TATDN2: variants seen among roughly 807,000 people sequenced by gnomAD.
TATDN2 encodes the protein 3'-5' RNA nuclease TATDN2.
TATDN2 carries 44 observed loss-of-function variants against 60.3 expected under a neutral mutation model. The observed-to-expected ratio is 0.73, with a 90% CI of 0.57 to 0.94. The LOEUF (loss-of-function observed/expected upper bound fraction) is 0.94, where lower values mean the gene tolerates loss of function less well. Ranked by LOEUF, TATDN2 falls within the 40% of genes least tolerant of loss-of-function variation. The probability of loss-of-function intolerance (pLI) is 0.00; values close to 1 mark genes in which losing one functional copy is unlikely to be tolerated. For synonymous variants in TATDN2, 399 were observed against 355.8 expected, an observed-to-expected ratio of 1.12 and a Z score of -1.37; for missense variants, 997 against 948.0, an observed-to-expected ratio of 1.05 and a Z score of -0.68.
chr3:10,266,592 T>C (rs1312613647), intron 3 of TATDN2, among the ~76,000 whole-genome samples: 1 of 152,230 alleles, frequency 6.6e-6, no homozygotes, highest in Non-Finnish European at 1.5e-5. Context: ...AAAAAGCTAA[T>C]ACAGGGTCAG....
intron 2 of TATDN2, among the ~76,000 whole-genome samples, chr3:10,257,611 AC>A (rs1401953061): frequency 4.7e-5 from 7 of 147,700 alleles, no homozygotes; most frequent in Non-Finnish European, 1.0e-4. Flanking sequence ...AAAAAAAAAA[AC>A]AAAAAAAAAA....
intron 2 of TATDN2, among the ~76,000 whole-genome samples, chr3:10,252,823 G>A (rs1352083017): frequency 2.0e-5 from 3 of 150,146 alleles, no homozygotes; most frequent in African/African-American, 7.4e-5. Context: ...CCAAGTAGGT[G>A]GAACTCAGGC....
intron 2 of TATDN2, among the ~76,000 whole-genome samples, chr3:10,259,641 T>C (rs559262607): frequency 6.6e-6 from 1 of 152,196 alleles, no homozygotes; most frequent in Non-Finnish European, 1.5e-5. Flanking sequence ...GGGAAGTGTT[T>C]GCAGAGAACT....
rs748894179 is a variant in TATDN2, at chr3:10,270,218, C to T, written c.1036C>T (p.Gln346Ter). The T allele has an allele frequency of 1.2e-6, 2 of 1,614,070 alleles. No homozygotes were observed. The highest frequency in any genetic ancestry group is 1.7e-6 in the Non-Finnish European group (2 of 1,180,038). The change falls in exon 4 of 8, where the codon CAG (glutamine) becomes TAG (stop). Residue 346 changes from glutamine (Q) to a stop codon, truncating the protein, a stop_gained. Coordinates refer to ENST00000448281, the MANE Select transcript of TATDN2 (RefSeq NM_014760.4). LOFTEE classifies it high-confidence loss of function. ...GGAGATCTCCACAGTCAGATTCTCT[C>T]AGGAGGAACCTGTCTCCCTGAAACC... ...VEEISTVRFS[Q>*]EEPVSLKPSA...
intron 3 of TATDN2, among the ~76,000 whole-genome samples, chr3:10,263,317 T>G (rs775891691): frequency 4.6e-5 from 7 of 152,152 alleles, no homozygotes; most frequent in Non-Finnish European, 1.0e-4. Context: ...CCTTTCAATC[T>G]AGAAACCCTT....
rs539560970 is a variant in TATDN2 at position 10,278,201 on chromosome 3, G to T, written c.1962-78G>T. The T allele has an allele frequency of 6.6e-5, 96 of 1,463,866 alleles. 1 individual carries two copies. The highest frequency in any genetic ancestry group is 5.1e-4 in the South Asian group (40 of 78,812). The allele number at this position is 1,463,866 out of a possible 1,614,324, so 90.7% of individuals were successfully genotyped here. A position where few individuals can be genotyped will look rare whatever the true frequency, so the allele number is the denominator to read the frequency against. On this transcript the variant is annotated intron_variant, in intron 5 of 7. Transcript: ENST00000448281. The surrounding 1 kb of genome is among the most constrained non-coding windows in gnomAD (Gnocchi z 4.7). ...TCCATTTCTGGGAATCATTGAAAAG[G>T]GGTGATGGGTGTGGGGGGAGCTGGG...
At chr3:10,252,890 T>C (rs1291970993) in intron 2 of TATDN2, among the ~76,000 whole-genome samples, 4 of 143,974 alleles carry the variant, frequency 2.8e-5, no homozygotes, top group Admixed American at 1.4e-4. Flanking sequence ...AGAATCTTGC[T>C]CTGTCACCCA....
At chr3:10,251,149 T>C (rs1436781915) in intron 2 of TATDN2, among the ~76,000 whole-genome samples, 1 of 152,092 alleles carries the variant, frequency 6.6e-6, no homozygotes, top group Non-Finnish European at 1.5e-5. Flanking sequence ...TTGAGGGTTA[T>C]TGTGGGCCAC....
chr3:10,273,058 G>A (rs1698589414), intron 4 of TATDN2, among the ~76,000 whole-genome samples: 1 of 152,036 alleles, frequency 6.6e-6, no homozygotes, highest in South Asian at 2.1e-4. Flanking sequence ...TCTCAGGTCT[G>A]CACTTAAAGG....
Position 10,278,984 on chromosome 3 carries a change from G to T in TATDN2, c.2245G>T (p.Ala749Ser), listed in dbSNP as rs866437105. The T allele has an allele frequency of 1.2e-6, 2 of 1,614,206 alleles. No individual in the cohort carries two copies. The highest frequency in any genetic ancestry group is 1.6e-4 in the Middle Eastern group (1 of 6,062). Reference sequence around the variant, plus strand: ...AGATCAGCCACTCTCCCTCACCTTGGCTGCCTTGCGTGAGAACACCAGTCG... The same window carrying T: ...AGATCAGCCACTCTCCCTCACCTTGTCTGCCTTGCGTGAGAACACCAGTCG... Reference protein sequence around the residue: ...VKDQPLSLTLAALRENTSRLY... With the variant: ...VKDQPLSLTLSALRENTSRLY... The change falls in exon 7 of 8, where the codon GCT becomes TCT. Residue 749 changes from alanine to serine, a missense_variant. Ala to Ser is a moderately conservative substitution (Grantham distance 99). Coordinates refer to ENST00000448281, the MANE Select transcript of TATDN2 (RefSeq NM_014760.4). This position sits in a 1 kb window ranked among gnomAD's most constrained non-coding sequence, Gnocchi z 4.7.
chr3:10,267,160 G>A (rs750631622), intron 3 of TATDN2, among the ~76,000 whole-genome samples: 23 of 151,798 alleles, frequency 1.5e-4, no homozygotes, highest in East Asian at 5.8e-4. Flanking sequence ...AGCTCAAGTG[G>A]TCTGCCTGCT....
intron 4 of TATDN2, among the ~76,000 whole-genome samples, chr3:10,275,900 C>T (rs1344270798): frequency 6.6e-6 from 1 of 152,212 alleles, no homozygotes; most frequent in South Asian, 2.1e-4. Flanking sequence ...TCCCCAACAG[C>T]TCTGCATAGG....
In TATDN2 at chr3:10,270,837, T is replaced by C; in HGVS notation, c.1655T>C (p.Leu552Ser). The C allele has an allele frequency of 6.2e-7, 1 of 1,614,186 alleles. No homozygotes were observed. The highest frequency in any genetic ancestry group is 8.5e-7 in the Non-Finnish European group (1 of 1,180,032). ...ACAGATTGCCTATGGGAGGAGCTGT[T>C]GAAAGAGGATCTGGTCTGGGGGGCC... is the stretch of plus-strand genomic sequence containing the variant. ...TLTDCLWEEL[L>S]KEDLVWGAFG... The change falls in exon 4 of 8, where the codon TTG (leucine) becomes TCG (serine). Residue 552 changes from leucine (L) to serine (S), a missense_variant. Leu to Ser is a moderately radical substitution (Grantham distance 145). Transcript: ENST00000448281.
chr3:10,259,459 CAA>C (rs2125174047), intron 2 of TATDN2, among the ~76,000 whole-genome samples: 1 of 152,360 alleles, frequency 6.6e-6, no homozygotes, highest in South Asian at 2.1e-4. Flanking sequence ...GTCTGGCAAA[CAA>C]AGTCTAGCTT....
intron 4 of TATDN2, among the ~76,000 whole-genome samples, chr3:10,271,847 G>C (rs1156599715): frequency 2.6e-5 from 4 of 152,082 alleles, no homozygotes; most frequent in Non-Finnish European, 1.5e-5. Context: ...TCCTGCCTCA[G>C]CCTCCCGAGT....
At position 10,260,560 on chromosome 3, in the gene TATDN2, C is replaced by G. The variant is rs1444606939; in HGVS notation, c.838C>G (p.Gln280Glu). Reference protein sequence around the residue: ...FYDRRVVIDPQEKPSEEPLGD... With the variant: ...FYDRRVVIDPEEKPSEEPLGD... The stretch of plus-strand genomic sequence containing the variant: ...TGACAGGAGAGTAGTTATAGACCCT[C>G]AAGAGAAACCCAGTGAGGAGCCCCT... The change falls in exon 3 of 8, where the codon CAA (glutamine) becomes GAA (glutamate). Residue 280 changes from glutamine to glutamate, a missense_variant. Transcript: ENST00000448281. 1 of 1,614,150 alleles carries G rather than the reference C, an allele frequency of 6.2e-7. No homozygotes were observed. The highest frequency in any genetic ancestry group is 1.1e-5 in the South Asian group (1 of 91,072).
At chr3:10,277,045 C>T (rs1029606042) in intron 5 of TATDN2, among the ~76,000 whole-genome samples, 13 of 152,092 alleles carry the variant, frequency 8.5e-5, no homozygotes, top group Middle Eastern at 3.4e-3. Context: ...CTTTTGTGCC[C>T]CCATCCTGGG....
In TATDN2 at chr3:10,278,331, C is replaced by T. The variant is rs768545546; in HGVS notation, c.2014C>T (p.Pro672Ser). ...CATTGAGCCCCTGCTGAAGTACTTT[C>T]CCAACATGTCTGTGGGCTTCACGGC... ...PVIEPLLKYFPNMSVGFTAVL... is the reference protein window; with the variant it reads ...PVIEPLLKYFSNMSVGFTAVL... Residue 672 changes from proline to serine, a missense_variant, in exon 6 of 8, where the codon CCC (proline) becomes TCC (serine). Pro to Ser is a moderately conservative substitution (Grantham distance 74). Transcript: ENST00000448281. This position sits in a 1 kb window ranked among gnomAD's most constrained non-coding sequence, Gnocchi z 4.7. 6.2e-6 allele frequency: 10 copies of T among 1,614,080 alleles called. No individual in the cohort carries two copies. In the South Asian group the frequency reaches 1.1e-4, roughly 18 times the overall value.
rs975967003 is a variant in TATDN2, at chr3:10,254,616, G to C, written c.414+5002G>C. The stretch of plus-strand genomic sequence containing the variant: ...GGAAGGGTTCTAAACTAAGGCTGAA[G>C]TGGTGGGGTTTGCATTTTAGAGCTC... On this transcript the variant is annotated intron_variant, in intron 2 of 7. Coordinates refer to ENST00000448281, the MANE Select transcript of TATDN2 (RefSeq NM_014760.4). Among the ~76,000 whole-genome samples, 53 of 152,222 alleles carry C rather than the reference G, an allele frequency of 3.5e-4. 1 individual carries two copies. Among genetic ancestry groups the C allele is most frequent in the Admixed American group, 3.3e-3 (50 of 15,286 alleles).
Sources: gnomAD v4.1 joint callset for allele counts (sites outside exome capture counted in the v4.1 genomes callset) on GRCh38, gnomAD v4.1.1 for gene constraint, Gnocchi (gnomAD v3.1) non-coding constraint, MANE v1.5 for transcripts, NCBI Gene and HGNC (gene_info 2026-07-23, HGNC 2026-07-21) for gene names.